Variants in ERC2 observed in about 807,000 individuals in gnomAD.
ERC2 encodes ERC protein 2.
A neutral mutation model predicts 114.8 loss-of-function variants in ERC2; 42 were observed. That is an observed-to-expected ratio of 0.37 (90% CI 0.29 to 0.47). The LOEUF (loss-of-function observed/expected upper bound fraction) is 0.47. Among genes scored for constraint, ERC2 ranks in the 20% least tolerant of loss-of-function variants. ERC2 has a pLI of 0.99. For missense variants in ERC2, 939 were observed against 1,150.7 expected (o/e 0.82, Z 2.66); for synonymous variants, 454 against 425.5 (o/e 1.07, Z -0.82).
At chr3:55,581,872 C>T (rs1487505377) in intron 17 of ERC2, among the ~76,000 whole-genome samples, 4 of 152,156 alleles carry the variant, frequency 2.6e-5, no homozygotes, top group Middle Eastern at 3.2e-3. Context: ...GTATAACCAG[C>T]TCATAACACA....
chr3:56,164,285 C>T (rs2082208498), intron 4 of ERC2, among the ~76,000 whole-genome samples: 1 of 151,982 alleles, frequency 6.6e-6, no homozygotes, highest in Non-Finnish European at 1.5e-5. Context: ...CTGGCAATCA[C>T]TAATCTACTT....
intron 13 of ERC2, among the ~76,000 whole-genome samples, chr3:55,917,869 T>C (rs11719944): frequency 0.28 from 42,269 of 152,060 alleles, 6,116 homozygotes; most frequent in Admixed American, 0.35. Flanking sequence ...TGGAGCTAGA[T>C]GATTAATTCT....
intron 2 of ERC2, among the ~76,000 whole-genome samples, chr3:56,399,849 T>G (rs58366864): frequency 0.025 from 3,784 of 152,220 alleles, 180 homozygotes; most frequent in African/African-American, 0.087. Flanking sequence ...AGTAACAATT[T>G]AAACTCTCTG....
At chr3:56,416,746 C>G (rs1409557135) in intron 2 of ERC2, among the ~76,000 whole-genome samples, 3 of 151,720 alleles carry the variant, frequency 2.0e-5, no homozygotes, top group Non-Finnish European at 4.4e-5. Flanking sequence ...GCTCAAGACT[C>G]CTTTTAGTAC....
At chr3:56,074,566 A>G (rs1374978278) in intron 7 of ERC2, among the ~76,000 whole-genome samples, 1 of 152,226 alleles carries the variant, frequency 6.6e-6, no homozygotes, top group Non-Finnish European at 1.5e-5. Context: ...TTGCAGAATA[A>G]GATGATATTC....
intron 17 of ERC2, among the ~76,000 whole-genome samples, chr3:55,584,464 G>A (rs1167253): frequency 0.57 from 86,923 of 151,666 alleles, 25,683 homozygotes; most frequent in East Asian, 0.93. Context: ...CCCTTGCCTC[G>A]CCGAGACTCA....
intron 3 of ERC2, among the ~76,000 whole-genome samples, chr3:56,183,624 G>T (rs1414598400): frequency 6.6e-6 from 1 of 152,152 alleles, no homozygotes; most frequent in Non-Finnish European, 1.5e-5. Context: ...ACTGTCACTG[G>T]GTCTAATTGA....
At chr3:56,130,045 A>G (rs2080111847) in intron 6 of ERC2, among the ~76,000 whole-genome samples, 1 of 152,270 alleles carries the variant, frequency 6.6e-6, no homozygotes, top group Non-Finnish European at 1.5e-5. Flanking sequence ...TGGAACACTT[A>G]TAATGAGATT....
intron 14 of ERC2, among the ~76,000 whole-genome samples, chr3:55,758,723 C>T (rs1474597654): frequency 6.6e-6 from 1 of 152,176 alleles, no homozygotes; most frequent in Non-Finnish European, 1.5e-5. Flanking sequence ...GGGATCTTTC[C>T]CCTCTTCTTA....
intron 12 of ERC2, among the ~76,000 whole-genome samples, chr3:55,967,285 A>G (rs1039230485): frequency 3.3e-5 from 5 of 152,216 alleles, no homozygotes; most frequent in South Asian, 2.1e-4. Context: ...CTAGTAGGTA[A>G]TAAGTCAAAT....
intron 3 of ERC2, among the ~76,000 whole-genome samples, chr3:56,219,460 A>G (rs2049748356): frequency 6.6e-6 from 1 of 152,090 alleles, no homozygotes; most frequent in Non-Finnish European, 1.5e-5. Context: ...CTAGGTGTAT[A>G]GTGGTGAACA....
intron 7 of ERC2, among the ~76,000 whole-genome samples, chr3:56,033,001 A>AAG (rs1560057765): frequency 7.5e-6 from 1 of 133,246 alleles, no homozygotes; most frequent in African/African-American, 2.6e-5. Context: ...GAAAGAAAGA[A>AAG]AGAAAGAAAG....
chr3:55,938,094 T>C (rs2066565986), intron 13 of ERC2, among the ~76,000 whole-genome samples: 4 of 149,934 alleles, frequency 2.7e-5, no homozygotes, highest in Admixed American at 2.6e-4. Context: ...TAGGTCTTCA[T>C]GGTTCTGTCT....
At chr3:56,246,513 C>G (rs865911251) in intron 3 of ERC2, among the ~76,000 whole-genome samples, 2 of 152,152 alleles carry the variant, frequency 1.3e-5, no homozygotes, top group African/African-American at 4.8e-5. Flanking sequence ...TTGAGGTTTA[C>G]AGTTAGCCAT....
At chr3:56,096,631 C>T (rs772539030) in intron 6 of ERC2, among the ~76,000 whole-genome samples, 6 of 152,110 alleles carry the variant, frequency 3.9e-5, no homozygotes, top group Non-Finnish European at 5.9e-5. Flanking sequence ...ATCTCTGAGA[C>T]GTCTCCTAGT....
intron 7 of ERC2, among the ~76,000 whole-genome samples, chr3:56,079,678 T>C (rs2077137355): frequency 6.6e-6 from 1 of 152,142 alleles, no homozygotes; most frequent in Admixed American, 6.6e-5. Context: ...GTTACCATCC[T>C]GAAATTCTCA....
intron 2 of ERC2, among the ~76,000 whole-genome samples, chr3:56,378,757 C>T (rs1386068197): frequency 2.0e-5 from 3 of 152,158 alleles, no homozygotes; most frequent in South Asian, 2.1e-4. Flanking sequence ...GAGACAGGCT[C>T]CCATTCCTGC....
chr3:56,367,516 C>G (rs1354564504), intron 2 of ERC2, among the ~76,000 whole-genome samples: 1 of 152,126 alleles, frequency 6.6e-6, no homozygotes, highest in Non-Finnish European at 1.5e-5. Flanking sequence ...CAACAACTCT[C>G]CTAAGGCCCC....
chr3:56,091,626 C>T (rs1248631665), intron 6 of ERC2, among the ~76,000 whole-genome samples: 3 of 152,118 alleles, frequency 2.0e-5, no homozygotes, highest in Admixed American at 1.3e-4. Flanking sequence ...ACTCCTGTTT[C>T]GATGCAGCTC....
Sources: allele counts gnomAD v4.1 joint callset (sites outside exome capture counted in the v4.1 genomes callset), GRCh38; gene constraint gnomAD v4.1.1; transcripts MANE v1.5; gene names NCBI Gene and HGNC (gene_info 2026-07-23, HGNC 2026-07-21).